The following PHACTR3 variants were observed in gnomAD, a reference collection of about 807,000 sequenced individuals.
PHACTR3 encodes phosphatase and actin regulator 3.
PHACTR3 carries 16 observed loss-of-function variants against 66.8 expected under a neutral mutation model. The ratio of observed to expected loss-of-function variants is 0.24; its 90% confidence interval spans 0.16 to 0.36. The LOEUF (loss-of-function observed/expected upper bound fraction) is 0.36. Among genes scored for constraint, PHACTR3 ranks in the 10% least tolerant of loss-of-function variants. The pLI is 1.00. For synonymous variants in PHACTR3, 323 were observed against 292.1 expected (o/e 1.11, Z -1.08); for missense variants, 647 against 719.9 (o/e 0.90, Z 1.16).
At chr20:59,588,571 G>T (rs2033102237) in intron 1 of PHACTR3, among the ~76,000 whole-genome samples, 1 of 152,166 alleles carries the variant, frequency 6.6e-6, no homozygotes. Flanking sequence ...TACTCATGCT[G>T]GGGCAAGAGG....
At chr20:59,617,542 G>T (rs2146357375) in intron 1 of PHACTR3, among the ~76,000 whole-genome samples, 1 of 151,480 alleles carries the variant, frequency 6.6e-6, no homozygotes, top group Non-Finnish European at 1.5e-5. Context: ...AGGGATTCCA[G>T]TCATTTTTTT....
At chr20:59,779,893 C>A (rs1026583177) in intron 7 of PHACTR3, among the ~76,000 whole-genome samples, 2 of 152,188 alleles carry the variant, frequency 1.3e-5, no homozygotes, top group African/African-American at 2.4e-5. Context: ...TCATCAAAAG[C>A]GAATTTTATG....
chr20:59,842,762 C>T (rs912857172), intron 11 of PHACTR3, among the ~76,000 whole-genome samples: 1 of 152,090 alleles, frequency 6.6e-6, no homozygotes, highest in Non-Finnish European at 1.5e-5. Flanking sequence ...TCATTAGTGC[C>T]CTAAGCATGT....
chr20:59,719,399 G>T (rs913911317), intron 1 of PHACTR3, among the ~76,000 whole-genome samples: 4 of 152,302 alleles, frequency 2.6e-5, no homozygotes, highest in African/African-American at 9.6e-5. Context: ...TCCTGACCTT[G>T]TGATCCACCC....
rs186668976 is a variant in PHACTR3 at position 59,732,583 on chromosome 20, A to C, written c.119-10524A>C. Among the ~76,000 whole-genome samples the C allele has an allele frequency of 8.2e-3, 1,254 of 152,256 alleles. 14 individuals carry two copies. The highest frequency in any genetic ancestry group is 0.015 in the Non-Finnish European group (994 of 68,014). On this transcript the variant is annotated intron_variant, in intron 1 of 12. Transcript: ENST00000371015. ...CACTAACCAGTAAAGGAGAGAAAGG[A>C]GATGCCCTTTGAGTTAAGGGCTGCT...
rs34134572 is a variant in PHACTR3 at position 59,707,457 on chromosome 20, C to CTTTTT, written c.119-35633_119-35629dup. On this transcript the variant is annotated intron_variant, in intron 1 of 12. Coordinates refer to ENST00000371015, the MANE Select transcript of PHACTR3 (RefSeq NM_080672.5). ...CTTCTTTCTCTCTCTTGCTCCCACTCTTTTTTTTTTTTTTTTTTTTTGAGG... is the reference window on the plus strand; with the variant it reads ...CTTCTTTCTCTCTCTTGCTCCCACTCTTTTTTTTTTTTTTTTTTTTTTTTTTGAGG... Among the ~76,000 whole-genome samples, 324 of 100,368 alleles carry CTTTTT rather than the reference C, an allele frequency of 3.2e-3. 1 individual carries two copies. The highest frequency in any genetic ancestry group is 4.6e-3 in the Non-Finnish European group (245 of 53,432). 65.8% of individuals were successfully genotyped at this position (100,368 alleles called of 152,430 possible). A position where few individuals can be genotyped will look rare whatever the true frequency, so the allele number is the denominator to read the frequency against.
intron 1 of PHACTR3, among the ~76,000 whole-genome samples, chr20:59,740,535 GATCCTCTAGCC>G (rs2039114988): frequency 6.6e-6 from 1 of 151,252 alleles, no homozygotes; most frequent in Non-Finnish European, 1.5e-5. Flanking sequence ...GGGATCAAGG[GATCCTCTAGCC>G]TTGGCATCCC....
intron 7 of PHACTR3, among the ~76,000 whole-genome samples, chr20:59,794,964 T>G (rs1285919322): frequency 2.0e-5 from 3 of 152,172 alleles, no homozygotes; most frequent in African/African-American, 7.2e-5. Flanking sequence ...AAAACCTCAT[T>G]TGTTAATCTT....
intron 1 of PHACTR3, among the ~76,000 whole-genome samples, chr20:59,703,545 T>G (rs2037586198): frequency 6.6e-6 from 1 of 152,158 alleles, no homozygotes; most frequent in African/African-American, 2.4e-5. Context: ...GTGTAGAAAA[T>G]GGTGAGATTT....
intron 1 of PHACTR3, among the ~76,000 whole-genome samples, chr20:59,588,488 A>G (rs757471305): frequency 1.3e-5 from 2 of 152,068 alleles, no homozygotes; most frequent in Non-Finnish European, 2.9e-5. Context: ...GGAGAGGTCA[A>G]TCTGCTCTCA....
intron 11 of PHACTR3, 124 bp from the exon 12 acceptor site, chr20:59,845,064 TG>T (rs2059125960): frequency 3.4e-6 from 2 of 582,148 alleles, no homozygotes; most frequent in South Asian, 5.1e-5. Flanking sequence ...AAAAATTGTT[TG>T]TTTTTTTCTG....
intron 1 of PHACTR3, chr20:59,676,828 C>T (rs912557223): frequency 1.3e-6 from 1 of 765,950 alleles, no homozygotes; most frequent in Non-Finnish European, 1.6e-6. Flanking sequence ...AGGGAGCAGG[C>T]TTCTTAAAGG....
intron 7 of PHACTR3, among the ~76,000 whole-genome samples, chr20:59,788,276 G>A (rs533131356): frequency 6.6e-6 from 1 of 152,286 alleles, no homozygotes; most frequent in Admixed American, 6.5e-5. Flanking sequence ...TCGTACAGAT[G>A]CGTTTTTCTC....
chr20:59,755,960 A>G (rs58219347), intron 4 of PHACTR3, among the ~76,000 whole-genome samples: 13,563 of 152,160 alleles, frequency 0.089, 1,202 homozygotes, highest in East Asian at 0.42. Context: ...TTAAATGGGA[A>G]AAGTAATGGA....
intron 1 of PHACTR3, among the ~76,000 whole-genome samples, chr20:59,694,599 A>C (rs80332382): frequency 3.1e-4 from 47 of 152,262 alleles, no homozygotes; most frequent in African/African-American, 1.0e-3. Context: ...AATTTAAATT[A>C]TTCTTCAACA....
chr20:59,790,767 G>C (rs1010650589), intron 7 of PHACTR3, among the ~76,000 whole-genome samples: 1 of 152,224 alleles, frequency 6.6e-6, no homozygotes, highest in African/African-American at 2.4e-5. Flanking sequence ...GTAGAAGTAG[G>C]TCTGGAAGTA....
At chr20:59,756,856 T>C (rs552324914) in intron 4 of PHACTR3, among the ~76,000 whole-genome samples, 2 of 151,698 alleles carry the variant, frequency 1.3e-5, no homozygotes, top group East Asian at 2.0e-4. Flanking sequence ...AAAGCCAAAA[T>C]TGACAAATGG....
intron 1 of PHACTR3, among the ~76,000 whole-genome samples, chr20:59,630,453 G>A (rs2034622667): frequency 6.6e-6 from 1 of 152,202 alleles, no homozygotes; most frequent in South Asian, 2.1e-4. Flanking sequence ...AAAGTGCTGG[G>A]ATTACAGGCT....
chr20:59,579,351 G>A (rs547462149), intron 1 of PHACTR3, among the ~76,000 whole-genome samples: 6 of 152,230 alleles, frequency 3.9e-5, no homozygotes, highest in African/African-American at 1.2e-4. Context: ...AGGAGAAAGC[G>A]GAATATTTTG....
Sources: gnomAD v4.1 joint callset for allele counts (sites outside exome capture counted in the v4.1 genomes callset) on GRCh38, gnomAD v4.1.1 for gene constraint, MANE v1.5 for transcripts, NCBI Gene and HGNC (gene_info 2026-07-23, HGNC 2026-07-21) for gene names.